Variants in RFWD3 observed in about 807,000 individuals in gnomAD.
The protein encoded by RFWD3 is ring finger and WD repeat domain 3, also known as E3 ubiquitin-protein ligase RFWD3.
In RFWD3, 65 loss-of-function variants were observed where a neutral mutation model predicts 87.7. The ratio of observed to expected loss-of-function variants is 0.74; its 90% CI spans 0.61 to 0.91. RFWD3 has a LOEUF of 0.91. Among genes scored for constraint, RFWD3 ranks in the 40% least tolerant of loss-of-function variants. RFWD3 has a pLI of 0.00. For synonymous variants in RFWD3, 433 were observed against 352.8 expected, an observed-to-expected ratio of 1.23 and a Z score of -2.55; for missense variants, 1,078 against 938.5, an observed-to-expected ratio of 1.15 and a Z score of -1.94.
chr16:74,628,680 A>G lies in RFWD3; in HGVS notation c.1755-14T>C, dbSNP rs1353729345. The G allele has an allele frequency of 2.5e-6, 4 of 1,613,218 alleles. No homozygotes were observed. The highest frequency in any genetic ancestry group is 2.5e-6 in the Non-Finnish European group (3 of 1,179,402). On this transcript the variant is annotated splice_polypyrimidine_tract_variant and intron_variant, in intron 10 of 12. Coordinates refer to ENST00000361070, the MANE Select transcript of RFWD3 (RefSeq NM_018124.4). ...ACCAGTGGGCATCTGAAAGGAAAGT[A>G]AGGAAACTGTATCTCACACTCCAAA... is the stretch of plus-strand genomic sequence containing the variant.
chr16:74,630,213 G>C (rs961937355), intron 10 of RFWD3, among the ~76,000 whole-genome samples: 1 of 151,944 alleles, frequency 6.6e-6, no homozygotes, highest in African/African-American at 2.4e-5. Context: ...CTTCTGCCTC[G>C]GCCTTCTGAG....
At chr16:74,627,087 G>T (rs1319143266) in intron 11 of RFWD3, among the ~76,000 whole-genome samples, 2 of 152,188 alleles carry the variant, frequency 1.3e-5, no homozygotes, top group African/African-American at 2.4e-5. Context: ...CACAGTCTTG[G>T]AGACAGCCGA....
chr16:74,656,513 G>A (rs1017696687), intron 2 of RFWD3, among the ~76,000 whole-genome samples: 9 of 151,516 alleles, frequency 5.9e-5, no homozygotes, highest in African/African-American at 2.2e-4. Context: ...GACAGGGTCT[G>A]GCTCTGTCAC....
intron 2 of RFWD3, among the ~76,000 whole-genome samples, chr16:74,655,710 A>C (rs1416310196): frequency 6.7e-6 from 1 of 150,026 alleles, no homozygotes; most frequent in Non-Finnish European, 1.5e-5. Flanking sequence ...TTTTTAGTGG[A>C]GACGGGGTTT....
At chr16:74,653,709 G>T (rs2144283810) in intron 2 of RFWD3, among the ~76,000 whole-genome samples, 1 of 152,076 alleles carries the variant, frequency 6.6e-6, no homozygotes, top group South Asian at 2.1e-4. Flanking sequence ...CCTACTAGAA[G>T]TTTTAATAAT....
chr16:74,630,881 C>A lies in RFWD3; in HGVS notation c.1654G>T (p.Ala552Ser). The A allele has an allele frequency of 6.2e-7, 1 of 1,614,016 alleles. No homozygotes were observed. Among genetic ancestry groups the A allele is most frequent in the South Asian group, 1.1e-5 (1 of 91,070 alleles). The part of the protein sequence containing the change: ...VWSCCWCLDE[A>S]NYIYAGLANG... ...GCCAGTCCAGCATAGATGTAGTTAG[C>A]CTCATCAAGACACCAGCAACAGCTC... The change falls in exon 10 of 13, where the codon GCT becomes TCT. Residue 552 changes from alanine to serine, a missense_variant. Ala to Ser is a moderately conservative substitution (Grantham distance 99). Coordinates refer to ENST00000361070, the MANE Select transcript of RFWD3 (RefSeq NM_018124.4).
chr16:74,662,832 G>C (rs1048843313), intron 1 of RFWD3, among the ~76,000 whole-genome samples: 23 of 152,240 alleles, frequency 1.5e-4, no homozygotes, highest in African/African-American at 5.1e-4. Flanking sequence ...AGGTCAGAGA[G>C]ACCTAGGCAA....
chr16:74,656,325 A>G (rs954971415), intron 2 of RFWD3, among the ~76,000 whole-genome samples: 73 of 151,014 alleles, frequency 4.8e-4, no homozygotes, highest in African/African-American at 1.7e-3. Context: ...AAAAAAAAAA[A>G]AAAAAAGAAA....
chr16:74,657,446 A>G (rs1961076093), intron 2 of RFWD3, among the ~76,000 whole-genome samples: 1 of 146,956 alleles, frequency 6.8e-6, no homozygotes, highest in African/African-American at 2.5e-5. Flanking sequence ...TTACTCTGCC[A>G]TTTTCACTGA....
intron 10 of RFWD3, among the ~76,000 whole-genome samples, chr16:74,630,277 T>C (rs780636645): frequency 6.6e-6 from 1 of 152,232 alleles, no homozygotes; most frequent in Non-Finnish European, 1.5e-5. Flanking sequence ...TTTTTGTATT[T>C]TCAGTAGAGA....
In RFWD3 at chr16:74,622,707, A is replaced by G. The variant is rs1355501678; in HGVS notation, c.*1221T>C. The G allele has an allele frequency of 1.3e-5, 2 of 152,220 alleles. No homozygotes were observed. Among genetic ancestry groups the G allele is most frequent in the Non-Finnish European group, 2.9e-5 (2 of 68,036 alleles). 9.4% of individuals were successfully genotyped at this position (152,220 alleles called of 1,614,324 possible). ...ATTTTCTCCCATGAACAGGACACTGACCTGCCCACATCTTGAAGCATATTC... is the reference window on the plus strand; with the variant it reads ...ATTTTCTCCCATGAACAGGACACTGGCCTGCCCACATCTTGAAGCATATTC... On this transcript the variant is annotated 3_prime_UTR_variant, in exon 13 of 13. Coordinates refer to ENST00000361070, the MANE Select transcript of RFWD3 (RefSeq NM_018124.4).
intron 8 of RFWD3, among the ~76,000 whole-genome samples, chr16:74,633,984 C>CAAA (rs879926796): frequency 7.5e-6 from 1 of 133,522 alleles, no homozygotes. Flanking sequence ...GATCTTCTGT[C>CAAA]AAAAAAAAAA....
chr16:74,625,937 G>T (rs1049727982), intron 12 of RFWD3, among the ~76,000 whole-genome samples: 2 of 152,204 alleles, frequency 1.3e-5, no homozygotes, highest in African/African-American at 4.8e-5. Context: ...TCTAATCCCA[G>T]CACTTTGGGA....
In RFWD3 at chr16:74,632,586, A is replaced by G; in HGVS notation, c.1514T>C (p.Phe505Ser). 6.2e-7 allele frequency: 1 copy of G among 1,614,144 alleles called. No homozygotes were observed. The highest frequency in any genetic ancestry group is 8.5e-7 in the Non-Finnish European group (1 of 1,180,014). ...TAGCAAGCCTCTGAGGTAACTGCTA[A>G]ACGCCAGTCCACGGATCTGTTTGCC... Reference protein sequence around the residue: ...MHGKQIRGLAFSSYLRGLLLS... With the variant: ...MHGKQIRGLASSSYLRGLLLS... The change falls in exon 9 of 13, where the codon TTT becomes TCT. Residue 505 changes from phenylalanine to serine, a missense_variant. By Grantham distance (155) the Phe-to-Ser change is radical (BLOSUM62 -2). Coordinates refer to ENST00000361070, the MANE Select transcript of RFWD3 (RefSeq NM_018124.4).
intron 1 of RFWD3, chr16:74,664,365 C>G (rs7199068): frequency 0.41 from 62,996 of 152,116 alleles, 13,525 homozygotes; most frequent in African/African-American, 0.49. Context: ...AGCAACTCAG[C>G]CTTCAGGAAG....
chr16:74,630,331 C>T (rs995064915), intron 10 of RFWD3, among the ~76,000 whole-genome samples: 3 of 152,172 alleles, frequency 2.0e-5, no homozygotes, highest in Admixed American at 6.5e-5. Flanking sequence ...AATTCCTGAC[C>T]TCCTGATCTG....
intron 2 of RFWD3, among the ~76,000 whole-genome samples, chr16:74,654,013 G>C (rs1416078822): frequency 1.3e-4 from 20 of 152,002 alleles, no homozygotes; most frequent in Non-Finnish European, 1.0e-4. Context: ...ATTTAAAAGT[G>C]TTCAATTCAG....
chr16:74,625,486 C>T (rs749547685), intron 12 of RFWD3, among the ~76,000 whole-genome samples: 21 of 150,892 alleles, frequency 1.4e-4, no homozygotes, highest in African/African-American at 2.7e-4. Flanking sequence ...TGCACTCCAG[C>T]CTGGGTAACA....
intron 6 of RFWD3, 26 bp downstream of exon 6, chr16:74,644,336 C>A: frequency 6.2e-7 from 1 of 1,608,422 alleles, no homozygotes; most frequent in East Asian, 2.2e-5. Flanking sequence ...GGGAACATTC[C>A]AGCCAGGCAT....
Sources: gnomAD v4.1 joint callset for allele counts (sites outside exome capture counted in the v4.1 genomes callset) on GRCh38, gnomAD v4.1.1 for gene constraint, MANE v1.5 for transcripts, NCBI Gene and HGNC (gene_info 2026-07-23, HGNC 2026-07-21) for gene names.